Variants in RIMBP2 observed in about 807,000 individuals in gnomAD.
RIMBP2 encodes the protein RIMS-binding protein 2.
In RIMBP2, 48 loss-of-function variants were observed where a neutral mutation model predicts 118.6. That is an observed-to-expected ratio of 0.40 (90% CI 0.32 to 0.51). The LOEUF (loss-of-function observed/expected upper bound fraction) is 0.51. Ranked by LOEUF, RIMBP2 falls within the 20% of genes least tolerant of loss-of-function variation. The pLI is 0.41. For missense variants in RIMBP2, 1,551 were observed against 1,768.3 expected, an observed-to-expected ratio of 0.88 and a Z score of 2.20; for synonymous variants, 762 against 742.9, an observed-to-expected ratio of 1.03 and a Z score of -0.42.
chr12:130,575,353 G>T (rs533163013), intron 2 of RIMBP2, among the ~76,000 whole-genome samples: 8 of 151,726 alleles, frequency 5.3e-5, no homozygotes, highest in African/African-American at 1.9e-4. Context: ...CACTTGAGAG[G>T]TTGGGGGCTG....
chr12:130,601,133 G>C (rs1473614626), intron 2 of RIMBP2, among the ~76,000 whole-genome samples: 1 of 152,056 alleles, frequency 6.6e-6, no homozygotes, highest in Non-Finnish European at 1.5e-5. Flanking sequence ...ATCAGGGTTT[G>C]GTTAACACTC....
intron 17 of RIMBP2, among the ~76,000 whole-genome samples, chr12:130,418,460 G>A (rs2076228220): frequency 6.6e-6 from 1 of 152,206 alleles, no homozygotes; most frequent in African/African-American, 2.4e-5. Context: ...AGCTGTGGCT[G>A]CATGAGAAGG....
intron 7 of RIMBP2, among the ~76,000 whole-genome samples, chr12:130,452,535 A>T (rs1477996313): frequency 6.6e-6 from 1 of 152,214 alleles, no homozygotes; most frequent in Non-Finnish European, 1.5e-5. Context: ...AGCCTCGGAA[A>T]CCCAGCCGAC....
intron 4 of RIMBP2, among the ~76,000 whole-genome samples, chr12:130,504,592 C>A (rs2050125728): frequency 6.6e-6 from 1 of 152,188 alleles, no homozygotes; most frequent in Non-Finnish European, 1.5e-5. Flanking sequence ...CTCAGAAAGG[C>A]ACGCAGTCCT....
At chr12:130,585,379 T>C (rs1169931122) in intron 2 of RIMBP2, among the ~76,000 whole-genome samples, 1 of 152,094 alleles carries the variant, frequency 6.6e-6, no homozygotes, top group Non-Finnish European at 1.5e-5. Flanking sequence ...CGGTAGGAAA[T>C]TCACAGCCCA....
In RIMBP2 at chr12:130,622,946, T is replaced by C. The variant is rs2061410793; in HGVS notation, c.-217+5376A>G. Among the ~76,000 whole-genome samples, 1 of 152,230 alleles carries C rather than the reference T, an allele frequency of 6.6e-6. No individual in the cohort carries two copies. The highest frequency in any genetic ancestry group is 6.5e-5 in the Admixed American group (1 of 15,288). On this transcript the variant is annotated intron_variant, in intron 2 of 22. Transcript: ENST00000690449. The surrounding 1 kb of genome is among the most constrained non-coding windows in gnomAD (Gnocchi z 8.5). ...GCAGGTAGGAACAAGAAGACTCATC[T>C]AACAGAGAAAATGAAAGAACAGATG...
chr12:130,684,444 G>A (rs2064951373), intron 1 of RIMBP2, among the ~76,000 whole-genome samples: 1 of 152,184 alleles, frequency 6.6e-6, no homozygotes, highest in South Asian at 2.1e-4. Flanking sequence ...AAATATTTTA[G>A]AGTTTCACTC....
chr12:130,486,322 C>T (rs1393502318), intron 4 of RIMBP2, among the ~76,000 whole-genome samples: 1 of 151,588 alleles, frequency 6.6e-6, no homozygotes, highest in African/African-American at 2.4e-5. Flanking sequence ...TGGTCTCTCC[C>T]CCTGACCTCT....
chr12:130,594,252 C>A (rs551204402), intron 2 of RIMBP2, among the ~76,000 whole-genome samples: 21 of 152,340 alleles, frequency 1.4e-4, no homozygotes, highest in Middle Eastern at 3.4e-3. Context: ...TCAGACTGTT[C>A]ACCATCAGAA....
chr12:130,645,743 T>A (rs2062841501), intron 1 of RIMBP2, among the ~76,000 whole-genome samples: 1 of 152,224 alleles, frequency 6.6e-6, no homozygotes, highest in South Asian at 2.1e-4. Flanking sequence ...CCTGATCTCT[T>A]CCTTATCGCT....
chr12:130,456,499 T>C lies in RIMBP2; in HGVS notation c.355A>G (p.Lys119Glu). 6.3e-7 allele frequency: 1 copy of C among 1,583,316 alleles called. No homozygotes were observed. The highest frequency in any genetic ancestry group is 1.1e-5 in the South Asian group (1 of 87,952). Residue 119 changes from lysine to glutamate, a missense_variant, in exon 7 of 23, where the codon AAA (lysine) becomes GAA (glutamate). Physicochemically the swap from Lys to Glu is moderately conservative, Grantham distance 56. Around this residue, in one of 5 missense-constraint regions of RIMBP2, gnomAD observed 239 missense variants for 256.8 expected, o/e 0.93. Coordinates refer to ENST00000690449, the MANE Select transcript of RIMBP2 (RefSeq NM_001393629.1). ...FMNGLATSLG[K>E]GQESAIGGSS... Reference sequence around the variant, plus strand: ...GGCGGAAGGTCCAGGCGCTTACCTTTGCCGAGGGAGGTGGCTAGGCCATTC... The same window carrying C: ...GGCGGAAGGTCCAGGCGCTTACCTTCGCCGAGGGAGGTGGCTAGGCCATTC...
chr12:130,435,382 G>A (rs540775661), intron 13 of RIMBP2, among the ~76,000 whole-genome samples: 3 of 152,236 alleles, frequency 2.0e-5, no homozygotes, highest in East Asian at 1.9e-4. Flanking sequence ...ATACACAGAT[G>A]ACTCCTCATT....
At chr12:130,629,974 TAAAAAAAAA>T (rs33932481) in intron 1 of RIMBP2, among the ~76,000 whole-genome samples, 1 of 104,520 alleles carries the variant, frequency 9.6e-6, no homozygotes, top group Non-Finnish European at 1.9e-5. Context: ...AATCAAGCTT[TAAAAAAAAA>T]AAAAAAAAAG....
intron 1 of RIMBP2, among the ~76,000 whole-genome samples, chr12:130,708,898 G>A (rs554212600): frequency 3.3e-5 from 5 of 152,252 alleles, no homozygotes; most frequent in African/African-American, 7.2e-5. Context: ...CCAGCTTCGC[G>A]GTCAGGCAGC....
At chr12:130,464,707 C>T (rs2080304616) in intron 6 of RIMBP2, among the ~76,000 whole-genome samples, 2 of 152,236 alleles carry the variant, frequency 1.3e-5, no homozygotes, top group South Asian at 4.1e-4. Flanking sequence ...GTCACACCCC[C>T]AGTGGGCAGT....
At chr12:130,417,615 A>G (rs2076175788) in intron 17 of RIMBP2, among the ~76,000 whole-genome samples, 1 of 152,216 alleles carries the variant, frequency 6.6e-6, no homozygotes, top group South Asian at 2.1e-4. Flanking sequence ...GAAACTCCTG[A>G]CGGGGCGCTA....
chr12:130,562,064 C>T (rs139980150), intron 2 of RIMBP2, among the ~76,000 whole-genome samples: 139 of 152,224 alleles, frequency 9.1e-4, no homozygotes, highest in African/African-American at 2.9e-3. Flanking sequence ...TAAAATCAGA[C>T]ACACAAGGAG....
intron 2 of RIMBP2, among the ~76,000 whole-genome samples, chr12:130,575,657 G>A (rs2058037323): frequency 6.6e-6 from 1 of 152,182 alleles, no homozygotes; most frequent in Admixed American, 6.5e-5. Flanking sequence ...GTGCTACCTA[G>A]CACATAGATG....
At chr12:130,470,861 G>A (rs960465291) in intron 5 of RIMBP2, 118 bp from the exon 6 acceptor site, 2 of 491,322 alleles carry the variant, frequency 4.1e-6, no homozygotes. Context: ...TCTAATAGAG[G>A]AATTAAAATT....
Sources: gnomAD v4.1 joint callset for allele counts (sites outside exome capture counted in the v4.1 genomes callset) on GRCh38, gnomAD v4.1.1 for gene constraint, gnomAD v4.1.1 regional missense constraint, Gnocchi (gnomAD v3.1) non-coding constraint, MANE v1.5 for transcripts, NCBI Gene and HGNC (gene_info 2026-07-23, HGNC 2026-07-21) for gene names.